The following STX8 variants were observed in gnomAD, a reference collection of about 807,000 sequenced individuals.
STX8 encodes syntaxin 8, also known as syntaxin-8.
A neutral mutation model predicts 37.5 loss-of-function variants in STX8; 23 were observed. The ratio of observed to expected loss-of-function variants is 0.61; its 90% CI spans 0.44 to 0.87. STX8 has a LOEUF of 0.87. STX8 is among the 40% of genes least tolerant of loss of function. The pLI, the probability that STX8 is intolerant of heterozygous loss-of-function variation, is 0.00. For synonymous variants in STX8, 115 were observed against 99.1 expected (o/e 1.16, Z -0.95); for missense variants, 313 against 284.7 (o/e 1.10, Z -0.71).
chr17:9,451,658 A>G (rs1396808174), intron 6 of STX8, among the ~76,000 whole-genome samples: 1 of 152,190 alleles, frequency 6.6e-6, no homozygotes, highest in East Asian at 1.9e-4. Flanking sequence ...TTCAATAAAA[A>G]ATGAATATTT....
At chr17:9,486,823 C>T (rs1032485808) in intron 6 of STX8, among the ~76,000 whole-genome samples, 4 of 152,186 alleles carry the variant, frequency 2.6e-5, no homozygotes, top group African/African-American at 9.7e-5. Flanking sequence ...TGTGCCACTA[C>T]ACTCCAGCTT....
intron 3 of STX8, among the ~76,000 whole-genome samples, chr17:9,550,228 A>C (rs1270831616): frequency 1.3e-5 from 2 of 150,878 alleles, no homozygotes; most frequent in Non-Finnish European, 1.5e-5. Context: ...CATCTCAAAA[A>C]AAAAAAAAAG....
At chr17:9,257,293 AAC>A (rs887120418) in intron 7 of STX8, among the ~76,000 whole-genome samples, 4 of 152,226 alleles carry the variant, frequency 2.6e-5, no homozygotes, top group Non-Finnish European at 4.4e-5. Flanking sequence ...GAGGATATTA[AAC>A]ACAGTCTCTC....
intron 6 of STX8, among the ~76,000 whole-genome samples, chr17:9,488,126 A>G (rs1906684028): frequency 6.6e-6 from 1 of 152,132 alleles, no homozygotes; most frequent in Non-Finnish European, 1.5e-5. Flanking sequence ...CAGGAGTTTG[A>G]AAACAGCCTG....
At chr17:9,395,388 T>C (rs1048766909) in intron 6 of STX8, among the ~76,000 whole-genome samples, 2 of 151,914 alleles carry the variant, frequency 1.3e-5, no homozygotes, top group Non-Finnish European at 2.9e-5. Flanking sequence ...CATCAATCAC[T>C]TGAGGTAAGG....
In STX8 at chr17:9,505,096, C is replaced by T; in HGVS notation, c.390G>A (p.Glu130=). Residue 130 remains glutamate, a synonymous_variant, in exon 5 of 8, where the codon GAG becomes GAA. Coordinates refer to ENST00000306357, the MANE Select transcript of STX8 (RefSeq NM_004853.3). ...CATCAAAACCCAAGCCTCTGGTCTC[C>T]TCTGGCTCCTCAAAGAGCCAAGGGT... The part of the protein sequence containing the change: ...APNPWLFEEP[E]ETRGLGFDEI... 1.2e-6 allele frequency: 2 copies of T among 1,613,946 alleles called. No homozygotes were observed. The highest frequency in any genetic ancestry group is 1.7e-6 in the Non-Finnish European group (2 of 1,179,992).
At chr17:9,441,927 G>A (rs915437890) in intron 6 of STX8, among the ~76,000 whole-genome samples, 9 of 151,742 alleles carry the variant, frequency 5.9e-5, no homozygotes, top group South Asian at 2.1e-4. Flanking sequence ...CGCCCACCTC[G>A]GCCTCCCAAA....
intron 6 of STX8, among the ~76,000 whole-genome samples, chr17:9,473,503 C>A (rs1812115873): frequency 6.6e-6 from 1 of 152,138 alleles, no homozygotes; most frequent in Non-Finnish European, 1.5e-5. Flanking sequence ...TTACATATAA[C>A]CTACACACAT....
intron 6 of STX8, among the ~76,000 whole-genome samples, chr17:9,396,429 A>C (rs947784284): frequency 6.6e-6 from 1 of 152,078 alleles, no homozygotes; most frequent in African/African-American, 2.4e-5. Context: ...CACGCCTGTA[A>C]TCCCGCACTT....
At chr17:9,411,551 T>C (rs1318898298) in intron 6 of STX8, among the ~76,000 whole-genome samples, 1 of 152,206 alleles carries the variant, frequency 6.6e-6, no homozygotes, top group Non-Finnish European at 1.5e-5. Flanking sequence ...GTTTGTAAAA[T>C]TCTCAAAAGC....
chr17:9,314,459 A>G (rs760899820), intron 7 of STX8, among the ~76,000 whole-genome samples: 49 of 151,858 alleles, frequency 3.2e-4, no homozygotes, highest in Non-Finnish European at 6.2e-4. Flanking sequence ...GTGCAGTGAT[A>G]TGATCTCGGC....
chr17:9,321,350 T>TA (rs1309554831), intron 7 of STX8, among the ~76,000 whole-genome samples: 1 of 151,780 alleles, frequency 6.6e-6, no homozygotes, highest in Admixed American at 6.6e-5. Context: ...GCCAACATGG[T>TA]AAAACCCTGT....
At chr17:9,535,863 C>T (rs150983663) in intron 4 of STX8, among the ~76,000 whole-genome samples, 49 of 152,282 alleles carry the variant, frequency 3.2e-4, no homozygotes, top group Middle Eastern at 3.4e-3. Flanking sequence ...AGTTAAATGA[C>T]AGTAAATGCA....
chr17:9,492,237 A>G (rs924956195), intron 5 of STX8, among the ~76,000 whole-genome samples: 1 of 152,190 alleles, frequency 6.6e-6, no homozygotes, highest in African/African-American at 2.4e-5. Flanking sequence ...GAATATCCCA[A>G]TTTTTTAAAT....
At chr17:9,450,722 A>G (rs1905013166) in intron 6 of STX8, among the ~76,000 whole-genome samples, 1 of 152,162 alleles carries the variant, frequency 6.6e-6, no homozygotes, top group Non-Finnish European at 1.5e-5. Flanking sequence ...ATAATCTGGC[A>G]AGGTAGGACT....
At chr17:9,562,847 T>C (rs907498727) in intron 2 of STX8, among the ~76,000 whole-genome samples, 2 of 151,938 alleles carry the variant, frequency 1.3e-5, no homozygotes, top group Non-Finnish European at 2.9e-5. Context: ...GGATTTCACA[T>C]CAGGTTAAAA....
At chr17:9,539,146 T>C (rs979924299) in intron 4 of STX8, among the ~76,000 whole-genome samples, 3 of 152,232 alleles carry the variant, frequency 2.0e-5, no homozygotes, top group Non-Finnish European at 4.4e-5. Context: ...ATGACAGCTA[T>C]ACATTCAATT....
At chr17:9,453,167 T>TG (rs2142405343) in intron 6 of STX8, among the ~76,000 whole-genome samples, 1 of 152,240 alleles carries the variant, frequency 6.6e-6, no homozygotes, top group Non-Finnish European at 1.5e-5. Flanking sequence ...GAAAATGGTG[T>TG]GGGGATCCGA....
intron 1 of STX8, among the ~76,000 whole-genome samples, chr17:9,570,728 A>G (rs1249112974): frequency 1.3e-5 from 2 of 152,114 alleles, no homozygotes; most frequent in East Asian, 3.9e-4. Flanking sequence ...CAGACCATAC[A>G]TATAAAAATC....
Sources: gnomAD v4.1 joint callset for allele counts (sites outside exome capture counted in the v4.1 genomes callset) on GRCh38, gnomAD v4.1.1 for gene constraint, MANE v1.5 for transcripts, NCBI Gene and HGNC (gene_info 2026-07-23, HGNC 2026-07-21) for gene names.